Variants in RAPGEF1 observed in about 807,000 individuals in gnomAD.
The protein encoded by RAPGEF1 is Rap guanine nucleotide exchange factor 1.
Under a neutral mutation model 143.3 loss-of-function variants are expected in RAPGEF1, and 33 were observed. The ratio of observed to expected loss-of-function variants is 0.23; its 90% CI spans 0.17 to 0.31. The LOEUF (loss-of-function observed/expected upper bound fraction) is 0.31, where lower values mean the gene tolerates loss of function less well. Ranked by LOEUF, RAPGEF1 falls within the 10% of genes least tolerant of loss-of-function variation. The pLI, the probability that RAPGEF1 is intolerant of heterozygous loss-of-function variation, is 1.00. For synonymous variants in RAPGEF1, 629 were observed against 676.5 expected (o/e 0.93, Z 1.09); for missense variants, 1,199 against 1,645.4 (o/e 0.73, Z 4.69).
At chr9:131,714,372 C>T (rs935834302) in intron 1 of RAPGEF1, among the ~76,000 whole-genome samples, 4 of 151,102 alleles carry the variant, frequency 2.6e-5, no homozygotes, top group Admixed American at 1.3e-4. Flanking sequence ...AAGGGAAGGG[C>T]TCGTGGATCC....
intron 1 of RAPGEF1, among the ~76,000 whole-genome samples, chr9:131,733,488 A>G (rs915981663): frequency 6.6e-6 from 1 of 152,078 alleles, no homozygotes; most frequent in African/African-American, 2.4e-5. Flanking sequence ...GCCCCAGGAA[A>G]GGGTAAGAAT....
chr9:131,716,103 C>T (rs1051544877), intron 1 of RAPGEF1, among the ~76,000 whole-genome samples: 6 of 152,166 alleles, frequency 3.9e-5, no homozygotes, highest in Non-Finnish European at 1.5e-5. Context: ...CTGGATCCCA[C>T]ACGAGGCTGC....
intron 1 of RAPGEF1, among the ~76,000 whole-genome samples, chr9:131,719,849 T>C (rs917076290): frequency 6.6e-6 from 1 of 151,852 alleles, no homozygotes; most frequent in Admixed American, 6.6e-5. Flanking sequence ...CATCTGACTA[T>C]TGCCCACACA....
chr9:131,578,249 T>G lies in RAPGEF1; in HGVS notation c.*1248A>C, dbSNP rs1311696999. 6.6e-6 allele frequency: 1 copy of G among 152,320 alleles called. No individual in the cohort carries two copies. Among genetic ancestry groups the G allele is most frequent in the Non-Finnish European group, 1.5e-5 (1 of 68,100 alleles). The allele number at this position is 152,320 out of a possible 1,614,324, so 9.4% of individuals were successfully genotyped here. A position where few individuals can be genotyped will look rare whatever the true frequency, so the allele number is the denominator to read the frequency against. On this transcript the variant is annotated 3_prime_UTR_variant, in exon 27 of 27. Transcript: ENST00000683357. The stretch of plus-strand genomic sequence containing the variant: ...AGCGCCCCACAAGCCTTGCCCAGAT[T>G]GTCAAGCTCAGCAGCGAGAATGGTT...
intron 1 of RAPGEF1, among the ~76,000 whole-genome samples, chr9:131,738,221 CTTATA>C (rs893766168): frequency 1.6e-4 from 24 of 145,818 alleles, no homozygotes; most frequent in Non-Finnish European, 3.3e-4. Flanking sequence ...ATAATATAAT[CTTATA>C]TTAGATATAA....
intron 1 of RAPGEF1, among the ~76,000 whole-genome samples, chr9:131,739,252 G>T (rs899639638): frequency 5.9e-5 from 9 of 152,296 alleles, no homozygotes; most frequent in Non-Finnish European, 1.0e-4. Context: ...GGGTGGGGAG[G>T]GGAAACTTGA....
intron 3 of RAPGEF1, among the ~76,000 whole-genome samples, chr9:131,644,167 G>A (rs542026813): frequency 6.6e-5 from 10 of 152,302 alleles, no homozygotes; most frequent in East Asian, 5.8e-4. Context: ...AGAGCCCTGC[G>A]CTTTCCAGTG....
chr9:131,626,533 C>G, intron 9 of RAPGEF1, 111 bp from the exon 10 acceptor site: 1 of 1,093,876 alleles, frequency 9.1e-7, no homozygotes, highest in Non-Finnish European at 1.3e-6. Flanking sequence ...TGACAAAGAC[C>G]TGTCTCCAGG....
chr9:131,735,752 T>C (rs1183409436), intron 1 of RAPGEF1, among the ~76,000 whole-genome samples: 1 of 152,142 alleles, frequency 6.6e-6, no homozygotes, highest in Non-Finnish European at 1.5e-5. Flanking sequence ...TGTGGGAGTG[T>C]CCGCCACCTG....
At chr9:131,711,913 C>T (rs1835535907) in intron 1 of RAPGEF1, among the ~76,000 whole-genome samples, 1 of 152,128 alleles carries the variant, frequency 6.6e-6, no homozygotes, top group South Asian at 2.1e-4. Flanking sequence ...CTGTGTTAAA[C>T]CAGGCCCTTC....
At chr9:131,629,362 G>A (rs1964224077) in intron 6 of RAPGEF1, 108 bp from the exon 7 acceptor site, 2 of 1,173,186 alleles carry the variant, frequency 1.7e-6, no homozygotes, top group African/African-American at 1.5e-5. Context: ...AGTGGGTGAG[G>A]TGGGGCTGAA....
At position 131,626,290 on chromosome 9, in the gene RAPGEF1, G is replaced by A. The variant is rs200859564; in HGVS notation, c.1334C>T (p.Pro445Leu). Reference sequence around the variant, plus strand: ...GCCGCCAAGAGGCAGCTGGAAAGGAGGGCCAAGAAATGGAGACCCAGACTC... The same window carrying A: ...GCCGCCAAGAGGCAGCTGGAAAGGAAGGCCAAGAAATGGAGACCCAGACTC... ...LGESGSPFLG[P>L]PFQLPLGGHP... Residue 445 changes from proline to leucine, a missense_variant, in exon 10 of 27, where the codon CCT becomes CTT. Coordinates refer to ENST00000683357, the MANE Select transcript of RAPGEF1 (RefSeq NM_001377935.1). 118 of 1,614,016 alleles carry A rather than the reference G, an allele frequency of 7.3e-5. No individual in the cohort carries two copies. In the African/African-American group the frequency reaches 1.4e-3, roughly 19 times the overall value.
chr9:131,666,519 G>A (rs1830462823), intron 1 of RAPGEF1, among the ~76,000 whole-genome samples: 1 of 151,626 alleles, frequency 6.6e-6, no homozygotes. Flanking sequence ...CCTGAGTAGC[G>A]GGGACTACAG....
chr9:131,615,135 C>G (rs192858715), intron 12 of RAPGEF1, among the ~76,000 whole-genome samples: 1 of 152,086 alleles, frequency 6.6e-6, no homozygotes, highest in African/African-American at 2.4e-5. Flanking sequence ...CGCAGTGGCG[C>G]GATCTCCACT....
chr9:131,709,761 T>C (rs1835374829), intron 1 of RAPGEF1: 1 of 1,605,902 alleles, frequency 6.2e-7, no homozygotes, highest in Non-Finnish European at 8.5e-7. Context: ...AGTCACTGGC[T>C]GAAAGGGGAT....
chr9:131,683,064 A>G (rs1833050824), intron 1 of RAPGEF1, among the ~76,000 whole-genome samples: 1 of 152,232 alleles, frequency 6.6e-6, no homozygotes, highest in Non-Finnish European at 1.5e-5. Flanking sequence ...TTCTAATTCC[A>G]GAACAATTAT....
chr9:131,669,613 C>T (rs150581411), intron 1 of RAPGEF1, among the ~76,000 whole-genome samples: 7 of 152,266 alleles, frequency 4.6e-5, no homozygotes, highest in Admixed American at 2.0e-4. Context: ...AGCGTCAACT[C>T]GCCTCCCTCA....
At chr9:131,632,621 C>G (rs915385966) in intron 5 of RAPGEF1, among the ~76,000 whole-genome samples, 1 of 152,050 alleles carries the variant, frequency 6.6e-6, no homozygotes, top group Admixed American at 6.5e-5. Context: ...CATGATAGAA[C>G]CAGACAATGG....
At chr9:131,608,164 T>G (rs1957409452) in intron 12 of RAPGEF1, among the ~76,000 whole-genome samples, 1 of 152,156 alleles carries the variant, frequency 6.6e-6, no homozygotes, top group Non-Finnish European at 1.5e-5. Flanking sequence ...CCCCATAAGG[T>G]TTCTGCGACG....
Sources: allele counts gnomAD v4.1 joint callset (sites outside exome capture counted in the v4.1 genomes callset), GRCh38; gene constraint gnomAD v4.1.1; transcripts MANE v1.5; gene names NCBI Gene and HGNC (gene_info 2026-07-23, HGNC 2026-07-21).